The following AHNAK variants were observed in gnomAD, a reference collection of about 807,000 sequenced individuals.
The protein encoded by AHNAK is AHNAK nucleoprotein, also known as neuroblast differentiation-associated protein AHNAK.
Under a neutral mutation model 37.8 loss-of-function variants are expected in AHNAK, and 23 were observed. That is an observed-to-expected ratio of 0.61 (90% CI 0.44 to 0.86). The LOEUF is 0.86. AHNAK is among the 40% of genes least tolerant of loss of function. The pLI is 0.00. For synonymous variants in AHNAK, 2,481 were observed against 2,636.3 expected (o/e 0.94, Z 1.80); for missense variants, 7,411 against 7,319.4 (o/e 1.01, Z -0.46).
In AHNAK at chr11:62,525,038, T is replaced by G; in HGVS notation, c.9379A>C (p.Ile3127Leu). Residue 3127 changes from isoleucine to leucine, a missense_variant, in exon 5 of 5, where the codon ATT becomes CTT. Ile to Leu is a conservative substitution (Grantham distance 5). Transcript: ENST00000378024. ...TTAATATCCACTTTGGGGCCTTTAA[T>G]ATCCACGTCAGGAACTTTCATGTCA... The part of the protein sequence containing the change: ...EGDMKVPDVD[I>L]KGPKVDINAP... 6.2e-7 allele frequency: 1 copy of G among 1,613,704 alleles called. No homozygotes were observed. Among genetic ancestry groups the G allele is most frequent in the Non-Finnish European group, 8.5e-7 (1 of 1,179,932 alleles).
intron 5 of AHNAK, among the ~76,000 whole-genome samples, chr11:62,434,594 G>A (rs868666920): frequency 2.0e-5 from 3 of 152,046 alleles, no homozygotes; most frequent in African/African-American, 2.4e-5. Context: ...CACCTCCTGC[G>A]CTCAAGAAAG....
chr11:62,484,667 A>C (rs1381147682), intron 5 of AHNAK, among the ~76,000 whole-genome samples: 1 of 152,204 alleles, frequency 6.6e-6, no homozygotes. Context: ...GCCAGGTGGT[A>C]TGGAAGCCTC....
At position 62,516,686 on chromosome 11, in the gene AHNAK, C is replaced by A. The variant is rs1376205730; in HGVS notation, c.*58G>T. 15 of 1,523,576 alleles carry A rather than the reference C, an allele frequency of 9.8e-6. No homozygotes were observed. The highest frequency in any genetic ancestry group is 1.4e-5 in the South Asian group (1 of 73,626). 94.4% of individuals were successfully genotyped at this position (1,523,576 alleles called of 1,614,324 possible). On this transcript the variant is annotated 3_prime_UTR_variant, in exon 5 of 5. Coordinates refer to ENST00000378024, the MANE Select transcript of AHNAK (RefSeq NM_001620.3). ...CCTTTGGAGTTTATATAGGAACACA[C>A]CACCCAAGGCTGATGTTTTGTTATA... is the stretch of plus-strand genomic sequence containing the variant.
At chr11:62,481,148 C>T (rs1190613763) in intron 5 of AHNAK, among the ~76,000 whole-genome samples, 2 of 151,124 alleles carry the variant, frequency 1.3e-5, no homozygotes, top group African/African-American at 4.9e-5. Flanking sequence ...ACTTGTTGCC[C>T]AGACTGGAGT....
chr11:62,512,565 C>T (rs192066207), downstream of AHNAK, among the ~76,000 whole-genome samples: 68 of 152,118 alleles, frequency 4.5e-4, no homozygotes, highest in East Asian at 0.01. This position sits in a 1 kb window ranked among gnomAD's most constrained non-coding sequence, Gnocchi z 4.0. Context: ...ACTAAGTTTG[C>T]GAGAGGGAAC....
intron 5 of AHNAK, among the ~76,000 whole-genome samples, chr11:62,460,717 C>G (rs1361133161): frequency 6.6e-6 from 1 of 152,106 alleles, no homozygotes; most frequent in Non-Finnish European, 1.5e-5. Context: ...CTGCTGAGAT[C>G]CAGGAAAAAG....
Position 62,523,039 on chromosome 11 carries a change from A to T in AHNAK, c.11378T>A (p.Val3793Asp). Reference sequence around the variant, plus strand: ...GTGCCAGTCTGGGCCTTGAACATCAACATCTGGAGCATTAATGTCCACTTT... The same window carrying T: ...GTGCCAGTCTGGGCCTTGAACATCATCATCTGGAGCATTAATGTCCACTTT... ...GPKVDINAPD[V>D]DVQGPDWHLK... Residue 3793 changes from valine to aspartate, a missense_variant, in exon 5 of 5, where the codon GTT (valine) becomes GAT (aspartate). Physicochemically the swap from Val to Asp is radical, Grantham distance 152 (BLOSUM62 -3). Coordinates refer to ENST00000378024, the MANE Select transcript of AHNAK (RefSeq NM_001620.3). 1 of 1,614,024 alleles carries T rather than the reference A, an allele frequency of 6.2e-7. No individual in the cohort carries two copies. Among genetic ancestry groups the T allele is most frequent in the Non-Finnish European group, 8.5e-7 (1 of 1,180,006 alleles).
At chr11:62,469,750 G>A (rs1938992490) in intron 5 of AHNAK, among the ~76,000 whole-genome samples, 1 of 152,260 alleles carries the variant, frequency 6.6e-6, no homozygotes, top group Admixed American at 6.5e-5. Flanking sequence ...TTATAGGTGT[G>A]AGCCACTACG....
At chr11:62,466,473 T>C (rs1182941814) in intron 5 of AHNAK, among the ~76,000 whole-genome samples, 6 of 48,318 alleles carry the variant, frequency 1.2e-4, no homozygotes, top group African/African-American at 2.9e-4. Context: ...GTTTTGATTT[T>C]TTTTTTTTTT....
At position 62,524,636 on chromosome 11, in the gene AHNAK, C is replaced by G; in HGVS notation, c.9781G>C (p.Asp3261His). ...PALDIKGPKIDVDAPDIDIHG... is the reference protein window; with the variant it reads ...PALDIKGPKIHVDAPDIDIHG... ...ATGTCAATATCTGGAGCATCTACAT[C>G]TATCTTTGGGCCTTTTATGTCAAGA... Residue 3261 changes from aspartate (D) to histidine (H), a missense_variant, in exon 5 of 5, where the codon GAT (aspartate) becomes CAT (histidine). Physicochemically the swap from Asp to His is moderately conservative, Grantham distance 81. Coordinates refer to ENST00000378024, the MANE Select transcript of AHNAK (RefSeq NM_001620.3). The G allele has an allele frequency of 6.2e-7, 1 of 1,614,226 alleles. No homozygotes were observed. The highest frequency in any genetic ancestry group is 1.3e-5 in the African/African-American group (1 of 75,058).
chr11:62,433,851 C>A (rs1367905962), exon 6 of AHNAK: 1 of 1,613,850 alleles, frequency 6.2e-7, no homozygotes, highest in African/African-American at 1.3e-5. Flanking sequence ...CAAAAACAAC[C>A]TTAAGAGGGG....
chr11:62,500,541 G>C (rs567438424), intron 4 of AHNAK, among the ~76,000 whole-genome samples: 1 of 152,166 alleles, frequency 6.6e-6, no homozygotes, highest in African/African-American at 2.4e-5. Flanking sequence ...CAGAGAGCCC[G>C]ATGATGACAC....
chr11:62,470,116 A>G (rs1240859761), intron 5 of AHNAK, among the ~76,000 whole-genome samples: 2 of 152,186 alleles, frequency 1.3e-5, no homozygotes, highest in South Asian at 2.1e-4. Context: ...CATCCTGGCC[A>G]ACATAGTGAA....
intron 5 of AHNAK, among the ~76,000 whole-genome samples, chr11:62,438,633 T>A (rs1484800253): frequency 6.6e-6 from 1 of 152,198 alleles, no homozygotes; most frequent in Non-Finnish European, 1.5e-5. Flanking sequence ...TTTTTAATGG[T>A]GCCCTTGGAT....
intron 5 of AHNAK, among the ~76,000 whole-genome samples, chr11:62,436,799 C>T (rs1421977093): frequency 1.3e-5 from 2 of 151,934 alleles, no homozygotes; most frequent in African/African-American, 4.8e-5. Flanking sequence ...ATTAGCCGGG[C>T]ATGGTGGCGG....
chr11:62,488,547 G>A (rs1376022066), intron 5 of AHNAK, among the ~76,000 whole-genome samples: 2 of 150,272 alleles, frequency 1.3e-5, no homozygotes, highest in South Asian at 2.1e-4. Context: ...GATTACAGGC[G>A]CCCACCATGC....
chr11:62,438,927 A>G (rs1328167359), intron 5 of AHNAK, among the ~76,000 whole-genome samples: 1 of 152,000 alleles, frequency 6.6e-6, no homozygotes, highest in African/African-American at 2.4e-5. Context: ...CCTTTGGACT[A>G]TGCAGCCTGC....
At chr11:62,543,695 G>T (rs879693731) in intron 1 of AHNAK, among the ~76,000 whole-genome samples, 2 of 152,232 alleles carry the variant, frequency 1.3e-5, no homozygotes, top group Non-Finnish European at 2.9e-5. Context: ...GAAGCCTTGG[G>T]AGTCCCACCG....
downstream of AHNAK, among the ~76,000 whole-genome samples, chr11:62,515,485 C>T (rs549925043): frequency 2.0e-5 from 3 of 152,362 alleles, no homozygotes; most frequent in Non-Finnish European, 4.4e-5. Context: ...CCACTGCACT[C>T]CAGCCTGGGC....
Sources: gnomAD v4.1 joint callset for allele counts (sites outside exome capture counted in the v4.1 genomes callset) on GRCh38, gnomAD v4.1.1 for gene constraint, Gnocchi (gnomAD v3.1) non-coding constraint, MANE v1.5 for transcripts, NCBI Gene and HGNC (gene_info 2026-07-23, HGNC 2026-07-21) for gene names.